The following MMRN1 variants were observed in gnomAD, a reference collection of about 807,000 sequenced individuals.
MMRN1 encodes multimerin-1.
Under a neutral mutation model 100.7 loss-of-function variants are expected in MMRN1, and 94 were observed. That is an observed-to-expected ratio of 0.93 (90% confidence interval 0.79 to 1.11). The LOEUF is 1.11. Ranked by LOEUF, MMRN1 falls within the 50% of genes least tolerant of loss-of-function variation. The pLI is 0.00. For synonymous variants in MMRN1, 575 were observed against 505.0 expected, an observed-to-expected ratio of 1.14 and a Z score of -1.86; for missense variants, 1,606 against 1,439.1, an observed-to-expected ratio of 1.12 and a Z score of -1.88.
chr4:89,895,456 C>CTGGAGGCAT lies in MMRN1; in HGVS notation c.493_501dup (p.Ile165_Gly167dup). The CTGGAGGCAT allele has an allele frequency of 6.2e-7, 1 of 1,613,742 alleles. No individual in the cohort carries two copies. Among genetic ancestry groups the CTGGAGGCAT allele is most frequent in the South Asian group, 1.1e-5 (1 of 91,052 alleles). ...ACTTCTCTAAACACAGTTGGAGGCA[C>CTGGAGGCAT]TGGAGGCATTGGAGGCGTTGGAGGC... On this transcript the variant is annotated inframe_insertion, in exon 1 of 8. Transcript: ENST00000264790.
At position 89,923,107 on chromosome 4, in the gene MMRN1, T is replaced by C. The variant is rs1722141486; in HGVS notation, c.851-61T>C. 3.8e-6 allele frequency: 5 copies of C among 1,328,348 alleles called. No individual in the cohort carries two copies. In the South Asian group the frequency reaches 6.1e-5, roughly 16 times the overall value. The allele number at this position is 1,328,348 out of a possible 1,614,324, so 82.3% of individuals were successfully genotyped here. The stretch of plus-strand genomic sequence containing the variant: ...TGTCAGCCAAATTATTGTTCAGGAC[T>C]GGAAAAAATGAGGCTGTCCCAGTGC... On this transcript the variant is annotated intron_variant, in intron 3 of 7. Transcript: ENST00000264790.
chr4:89,931,670 T>C (rs939032975), intron 5 of MMRN1, among the ~76,000 whole-genome samples: 12 of 152,154 alleles, frequency 7.9e-5, no homozygotes, highest in African/African-American at 2.4e-4. Flanking sequence ...AGCCACGTCT[T>C]ACATGGTGGC....
rs80183792 is a variant in MMRN1 at position 89,880,735 on chromosome 4, C to T, written c.-249+1133C>T. ...ATATCTCGCTTTACATTGTATGGAACAGTCCTAGGCAGTGACCCATGTAAT... is the reference window on the plus strand; with the variant it reads ...ATATCTCGCTTTACATTGTATGGAATAGTCCTAGGCAGTGACCCATGTAAT... On this transcript the variant is annotated intron_variant, in intron 1 of 8. Coordinates refer to the MMRN1 transcript ENST00000394980. 3.7e-3 allele frequency among the ~76,000 whole-genome samples: 558 copies of T among 152,216 alleles called. 5 individuals are homozygous for T. Among genetic ancestry groups the T allele is most frequent in the African/African-American group, 0.013 (537 of 41,550 alleles).
chr4:89,931,772 A>G (rs1212246377), intron 5 of MMRN1, among the ~76,000 whole-genome samples: 1 of 152,090 alleles, frequency 6.6e-6, no homozygotes, highest in Non-Finnish European at 1.5e-5. Context: ...CATGGGAAAA[A>G]TCCCTCCCCA....
rs1410894395 is a variant in MMRN1 at position 89,895,187 on chromosome 4, A to T, written c.216A>T (p.Arg72Ser). 8 of 1,613,772 alleles carry T rather than the reference A, an allele frequency of 5.0e-6. No individual in the cohort carries two copies. The highest frequency in any genetic ancestry group is 6.8e-6 in the Non-Finnish European group (8 of 1,179,914). ...AGATAGCTACAACTCCAGAGGCAAG[A>T]ACTTCTGAAGACAGTCTTCTTAAAT... ...SAEIATTPEA[R>S]TSEDSLLKST... is the part of the protein sequence containing the mutation. Residue 72 changes from arginine to serine, a missense_variant, in exon 1 of 8, where the codon AGA becomes AGT. Coordinates refer to ENST00000264790, the MANE Select transcript of MMRN1 (RefSeq NM_007351.3).
At chr4:89,920,811 T>A (rs1362282913) in intron 3 of MMRN1, among the ~76,000 whole-genome samples, 2 of 152,020 alleles carry the variant, frequency 1.3e-5, no homozygotes, top group Non-Finnish European at 2.9e-5. Context: ...AGTTTTGTTT[T>A]TTTTGTTTGT....
chr4:89,894,537 A>C (rs1442141), upstream of MMRN1, among the ~76,000 whole-genome samples: 13,261 of 152,192 alleles, frequency 0.087, 783 homozygotes, highest in East Asian at 0.24. Context: ...TATGTAGTAG[A>C]ACAAAATGTT....
rs1247639368 is a variant in MMRN1 at position 89,935,771 on chromosome 4, A to G, written c.2091A>G (p.Lys697=). ...SLNFIIKELT[K]RHNLLRNEVQ... ...ATTTTATTATCAAAGAACTTACAAA[A>G]AGACACAACTTACTTAGAAATGAAG... The change falls in exon 6 of 8, where the codon AAA becomes AAG. Residue 697 remains lysine (K), a synonymous_variant. Transcript: ENST00000264790. The G allele has an allele frequency of 1.9e-6, 3 of 1,612,474 alleles. No homozygotes were observed. The highest frequency in any genetic ancestry group is 2.2e-5 in the East Asian group (1 of 44,786).
At chr4:89,942,488 A>C (rs1031691502) in intron 6 of MMRN1, among the ~76,000 whole-genome samples, 45 of 152,188 alleles carry the variant, frequency 3.0e-4, no homozygotes, top group African/African-American at 1.0e-3. Flanking sequence ...CACAGCATAG[A>C]AATAACAGCT....
intron 3 of MMRN1, 127 bp from the exon 4 acceptor site, chr4:89,923,041 A>G (rs984014100): frequency 1.3e-5 from 10 of 743,446 alleles, no homozygotes; most frequent in African/African-American, 1.1e-4. Context: ...TTACTCTGCA[A>G]TCATCCCCGA....
At chr4:89,887,427 G>A (rs567357169) in intron 1 of MMRN1, among the ~76,000 whole-genome samples, 6 of 152,042 alleles carry the variant, frequency 3.9e-5, no homozygotes, top group African/African-American at 1.4e-4. Flanking sequence ...ACCAAAATAG[G>A]ATGGTGCTGG....
intron 4 of MMRN1, among the ~76,000 whole-genome samples, chr4:89,924,467 A>G (rs1722181872): frequency 6.6e-6 from 1 of 152,022 alleles, no homozygotes; most frequent in African/African-American, 2.4e-5. Flanking sequence ...TCCTGCAAAT[A>G]TAGTTTGTTT....
intron 6 of MMRN1, among the ~76,000 whole-genome samples, chr4:89,950,841 G>A (rs1723142715): frequency 6.6e-6 from 1 of 151,876 alleles, no homozygotes; most frequent in African/African-American, 2.4e-5. Flanking sequence ...TTACAGGTGT[G>A]AGCCACCATA....
Position 89,935,777 on chromosome 4 carries a change from C to A in MMRN1, c.2097C>A (p.His699Gln), listed in dbSNP as rs771245362. The stretch of plus-strand genomic sequence containing the variant: ...TTATCAAAGAACTTACAAAAAGACA[C>A]AACTTACTTAGAAATGAAGTACAGG... ...NFIIKELTKRHNLLRNEVQGR... is the reference protein window; with the variant it reads ...NFIIKELTKRQNLLRNEVQGR... The change falls in exon 6 of 8, where the codon CAC becomes CAA. Residue 699 changes from histidine to glutamine, a missense_variant. Physicochemically the swap from His to Gln is conservative, Grantham distance 24. Transcript: ENST00000264790. 2 of 1,612,804 alleles carry A rather than the reference C, an allele frequency of 1.2e-6. No homozygotes were observed. The highest frequency in any genetic ancestry group is 1.7e-6 in the Non-Finnish European group (2 of 1,179,528).
rs1027947415 is a variant in MMRN1, at chr4:89,895,395, C to T, written c.424C>T (p.Leu142Phe). Residue 142 changes from leucine (L) to phenylalanine (F), a missense_variant, in exon 1 of 8, where the codon CTT becomes TTT. Leu to Phe is a conservative substitution (Grantham distance 22). Transcript: ENST00000264790. ...CCTTTCCAATTCTACACTGAAATTT[C>T]TTCAGAGCTTTGCCAGAAAGTCAAA... ...VVLSNSTLKF[L>F]QSFARKSNEQ... 30 of 1,613,800 alleles carry T rather than the reference C, an allele frequency of 1.9e-5. No homozygotes were observed. The highest frequency in any genetic ancestry group is 2.5e-5 in the Non-Finnish European group (29 of 1,179,930).
At chr4:89,934,607 A>G (rs1454310451) in intron 5 of MMRN1, among the ~76,000 whole-genome samples, 1 of 152,140 alleles carries the variant, frequency 6.6e-6, no homozygotes, top group Non-Finnish European at 1.5e-5. Context: ...TGCAAGTGAT[A>G]TCTCCTCTCA....
upstream of MMRN1, among the ~76,000 whole-genome samples, chr4:89,894,147 T>C (rs557835198): frequency 1.1e-3 from 171 of 152,280 alleles, no homozygotes; most frequent in Non-Finnish European, 1.7e-3. Flanking sequence ...ACAATCGTGA[T>C]TGGAAAATAA....
intron 1 of MMRN1, among the ~76,000 whole-genome samples, chr4:89,900,853 A>G (rs924391427): frequency 6.6e-6 from 1 of 152,102 alleles, no homozygotes; most frequent in Admixed American, 6.6e-5. Context: ...TGAACGGAGA[A>G]TCTCTAATAT....
At chr4:89,906,836 T>C (rs1448081386) in intron 1 of MMRN1, among the ~76,000 whole-genome samples, 5 of 151,526 alleles carry the variant, frequency 3.3e-5, no homozygotes, top group African/African-American at 1.2e-4. Context: ...AGCAGTCTGC[T>C]GATCTGCTTC....
Sources: gnomAD v4.1 joint callset for allele counts (sites outside exome capture counted in the v4.1 genomes callset) on GRCh38, gnomAD v4.1.1 for gene constraint, MANE v1.5 for transcripts, NCBI Gene and HGNC (gene_info 2026-07-23, HGNC 2026-07-21) for gene names.